Variants in SYN3 observed in about 807,000 individuals in gnomAD.
The protein encoded by SYN3 is synapsin III, also known as synapsin-3.
Under a neutral mutation model 65.8 loss-of-function variants are expected in SYN3, and 35 were observed. That is an observed-to-expected ratio of 0.53 (90% CI 0.41 to 0.70). The LOEUF is 0.70. SYN3 is among the 30% of genes least tolerant of loss of function. The pLI is 0.00. For synonymous variants in SYN3, 270 were observed against 292.9 expected (o/e 0.92, Z 0.80); for missense variants, 680 against 749.0 (o/e 0.91, Z 1.08).
intron 12 of SYN3, among the ~76,000 whole-genome samples, chr22:32,522,166 G>C (rs946064899): frequency 6.6e-6 from 1 of 152,200 alleles, no homozygotes; most frequent in Non-Finnish European, 1.5e-5. Flanking sequence ...TGAACAGCAA[G>C]TTCAAAATAA....
intron 7 of SYN3, among the ~76,000 whole-genome samples, chr22:32,557,498 C>T (rs2058520691): frequency 6.6e-6 from 1 of 152,192 alleles, no homozygotes; most frequent in African/African-American, 2.4e-5. Context: ...TAACTATGTG[C>T]CAGCAACTGT....
intron 1 of SYN3, among the ~76,000 whole-genome samples, chr22:33,052,068 C>T (rs927094799): frequency 1.3e-5 from 2 of 151,980 alleles, no homozygotes; most frequent in African/African-American, 4.8e-5. Flanking sequence ...GCAAACAGAC[C>T]CAGAGAGGGA....
At chr22:32,700,866 GT>G (rs2060802042) in intron 6 of SYN3, among the ~76,000 whole-genome samples, 1 of 152,164 alleles carries the variant, frequency 6.6e-6, no homozygotes. Context: ...AGATCTCATG[GT>G]TTTTCACCCC....
chr22:32,516,797 A>G (rs2057785652), intron 13 of SYN3, among the ~76,000 whole-genome samples: 2 of 71,432 alleles, frequency 2.8e-5, no homozygotes, highest in South Asian at 1.5e-3. Context: ...AACTTTGGCA[A>G]GTTATTTAAT....
intron 6 of SYN3, among the ~76,000 whole-genome samples, chr22:32,604,324 C>T (rs763978054): frequency 3.3e-5 from 5 of 152,220 alleles, no homozygotes; most frequent in Non-Finnish European, 5.9e-5. Context: ...CAGCTCTCCC[C>T]CATGTCTTCT....
At chr22:32,564,852 T>TCCCGGACTGCACCCTAACAGC (rs2058641723) in intron 7 of SYN3, among the ~76,000 whole-genome samples, 1 of 146,112 alleles carries the variant, frequency 6.8e-6, no homozygotes, top group Admixed American at 6.8e-5. Context: ...ACCCAAACAG[T>TCCCGGACTGCACCCTAACAGC]GCTCCCGGAC....
intron 6 of SYN3, among the ~76,000 whole-genome samples, chr22:32,803,561 G>T (rs1172559596): frequency 6.6e-6 from 1 of 152,210 alleles, no homozygotes; most frequent in Non-Finnish European, 1.5e-5. Context: ...CCCAGGATTT[G>T]TGGATTGCTT....
intron 4 of SYN3, among the ~76,000 whole-genome samples, chr22:32,890,273 C>T (rs1276152673): frequency 6.6e-6 from 1 of 151,332 alleles, no homozygotes; most frequent in African/African-American, 2.4e-5. Flanking sequence ...GAGCATTTTC[C>T]CATGCTGCCC....
intron 6 of SYN3, among the ~76,000 whole-genome samples, chr22:32,805,071 G>A (rs2046691582): frequency 6.6e-6 from 1 of 152,116 alleles, no homozygotes; most frequent in Admixed American, 6.5e-5. Context: ...AAGGTGGCTG[G>A]CAGGGCTGAG....
intron 4 of SYN3, among the ~76,000 whole-genome samples, chr22:32,925,278 G>C (rs1040802928): frequency 2.2e-4 from 33 of 152,230 alleles, no homozygotes; most frequent in African/African-American, 7.9e-4. Flanking sequence ...AAGGACACCA[G>C]TCATATTGGA....
At chr22:32,820,993 A>T (rs1033540732) in intron 6 of SYN3, among the ~76,000 whole-genome samples, 3 of 152,130 alleles carry the variant, frequency 2.0e-5, no homozygotes, top group Non-Finnish European at 4.4e-5. Context: ...AATCCGAGAA[A>T]CCCAGGTGGC....
chr22:33,043,308 G>A (rs571773565), intron 1 of SYN3, among the ~76,000 whole-genome samples: 1 of 152,326 alleles, frequency 6.6e-6, no homozygotes, highest in South Asian at 2.1e-4. Context: ...AGCAGTTTGG[G>A]AGGCCGAGGT....
chr22:32,980,560 A>G, intron 3 of SYN3, 85 bp downstream of exon 3: 2 of 1,258,828 alleles, frequency 1.6e-6, no homozygotes, highest in Non-Finnish European at 2.3e-6. Context: ...TGACCACATA[A>G]GATGGGGACC....
intron 1 of SYN3, among the ~76,000 whole-genome samples, chr22:33,044,935 C>T (rs1333479004): frequency 2.0e-5 from 3 of 151,746 alleles, no homozygotes; most frequent in Non-Finnish European, 2.9e-5. Flanking sequence ...CTCTGCCTCC[C>T]GGGTTCAAGC....
chr22:32,819,204 G>A (rs1019734413), intron 6 of SYN3, among the ~76,000 whole-genome samples: 10 of 152,356 alleles, frequency 6.6e-5, no homozygotes, highest in Admixed American at 2.6e-4. Flanking sequence ...GGGAGGCTTG[G>A]CCTTGCAGGC....
chr22:32,547,182 C>T (rs1000323264), intron 7 of SYN3, among the ~76,000 whole-genome samples: 2 of 151,912 alleles, frequency 1.3e-5, no homozygotes, highest in Non-Finnish European at 2.9e-5. Flanking sequence ...ATGAAATTTC[C>T]CCATGTTGCC....
At chr22:32,750,279 AG>A (rs1314918706) in intron 6 of SYN3, among the ~76,000 whole-genome samples, 1 of 152,230 alleles carries the variant, frequency 6.6e-6, no homozygotes, top group Non-Finnish European at 1.5e-5. Flanking sequence ...TCTATGAGAA[AG>A]CAGTATCTGA....
At chr22:32,756,506 T>G (rs2045296282) in intron 6 of SYN3, among the ~76,000 whole-genome samples, 1 of 152,238 alleles carries the variant, frequency 6.6e-6, no homozygotes, top group African/African-American at 2.4e-5. Flanking sequence ...CAACTATACA[T>G]GCCGACTGAT....
At chr22:32,966,097 G>A (rs2051835415) in intron 3 of SYN3, among the ~76,000 whole-genome samples, 2 of 152,150 alleles carry the variant, frequency 1.3e-5, no homozygotes, top group Non-Finnish European at 2.9e-5. Context: ...TGTTCCCAAT[G>A]AGCCCAGAGT....
Sources: allele counts gnomAD v4.1 joint callset (sites outside exome capture counted in the v4.1 genomes callset), GRCh38; gene constraint gnomAD v4.1.1; transcripts MANE v1.5; gene names NCBI Gene and HGNC (gene_info 2026-07-23, HGNC 2026-07-21).